The following SNTG1 variants were observed in gnomAD, a reference collection of about 807,000 sequenced individuals.
The protein encoded by SNTG1 is gamma-1-syntrophin.
Under a neutral mutation model 74.7 loss-of-function variants are expected in SNTG1, and 39 were observed. That is an observed-to-expected ratio of 0.52 (90% confidence interval 0.40 to 0.68). The LOEUF (loss-of-function observed/expected upper bound fraction) is 0.68, where lower values mean the gene tolerates loss of function less well. SNTG1 is among the 30% of genes least tolerant of loss of function. The pLI is 0.00. For missense variants in SNTG1, 685 were observed against 609.5 expected (o/e 1.12, Z -1.30); for synonymous variants, 254 against 217.1 (o/e 1.17, Z -1.49).
chr8:50,035,783 G>A (rs1818107388), intron 1 of SNTG1, among the ~76,000 whole-genome samples: 1 of 152,164 alleles, frequency 6.6e-6, no homozygotes, highest in African/African-American at 2.4e-5. Context: ...CTTGAAGAGA[G>A]CATCTGGGAC....
chr8:50,281,127 T>A (rs770295971), intron 2 of SNTG1, among the ~76,000 whole-genome samples: 9 of 152,102 alleles, frequency 5.9e-5, no homozygotes, highest in Non-Finnish European at 1.3e-4. Flanking sequence ...AAGAAATATG[T>A]TTTGGGGTAA....
At chr8:50,555,008 G>A (rs2094447831) in intron 12 of SNTG1, among the ~76,000 whole-genome samples, 1 of 152,106 alleles carries the variant, frequency 6.6e-6, no homozygotes. Flanking sequence ...TATTCAGTTA[G>A]AATGCTGTGC....
At chr8:50,097,913 G>C (rs1196950250) in intron 1 of SNTG1, among the ~76,000 whole-genome samples, 1 of 152,052 alleles carries the variant, frequency 6.6e-6, no homozygotes, top group Non-Finnish European at 1.5e-5. Context: ...TGTTTCAATG[G>C]TTATACTTGG....
chr8:50,064,034 T>C (rs942081915), intron 1 of SNTG1, among the ~76,000 whole-genome samples: 2 of 152,188 alleles, frequency 1.3e-5, no homozygotes, highest in African/African-American at 2.4e-5. Context: ...TTGTCATGAC[T>C]CTGTCTTCTC....
chr8:50,500,409 C>T (rs773613182), intron 8 of SNTG1, among the ~76,000 whole-genome samples: 1 of 151,810 alleles, frequency 6.6e-6, no homozygotes, highest in African/African-American at 2.4e-5. Context: ...TATAACATAA[C>T]TTTTTTGGCT....
chr8:50,156,705 G>A (rs1267824030), intron 1 of SNTG1, among the ~76,000 whole-genome samples: 2 of 152,008 alleles, frequency 1.3e-5, no homozygotes, highest in African/African-American at 4.8e-5. Flanking sequence ...ATGGGCAAGT[G>A]TTCTGATCAA....
chr8:50,070,590 G>A (rs956397917), intron 1 of SNTG1, among the ~76,000 whole-genome samples: 3 of 152,136 alleles, frequency 2.0e-5, no homozygotes, highest in Non-Finnish European at 4.4e-5. Flanking sequence ...TAGGGCTTCT[G>A]TGTTAGAGAT....
At chr8:50,721,426 A>G (rs1009752856) in intron 17 of SNTG1, among the ~76,000 whole-genome samples, 3 of 152,224 alleles carry the variant, frequency 2.0e-5, no homozygotes, top group Admixed American at 6.5e-5. Flanking sequence ...AACTTTTCAC[A>G]TATGGTGGAG....
chr8:50,133,722 GTCTCT>G (rs1362476635), intron 1 of SNTG1, among the ~76,000 whole-genome samples: 1 of 152,116 alleles, frequency 6.6e-6, no homozygotes, highest in Non-Finnish European at 1.5e-5. Context: ...CTCATTGTGT[GTCTCT>G]TCTCTTCTTT....
intron 2 of SNTG1, among the ~76,000 whole-genome samples, chr8:50,242,203 A>C (rs1375726852): frequency 6.6e-6 from 1 of 152,044 alleles, no homozygotes; most frequent in Non-Finnish European, 1.5e-5. Context: ...AATGTCTTCT[A>C]TAAGTCTTTG....
chr8:50,308,992 GAAAGGCTTT>G (rs2090005049), intron 2 of SNTG1, among the ~76,000 whole-genome samples: 2 of 152,004 alleles, frequency 1.3e-5, no homozygotes, highest in African/African-American at 4.8e-5. Context: ...AGATGACTTT[GAAAGGCTTT>G]CCTGATAGAA....
intron 17 of SNTG1, among the ~76,000 whole-genome samples, chr8:50,740,977 T>C (rs757596521): frequency 6.6e-6 from 1 of 151,914 alleles, no homozygotes; most frequent in Non-Finnish European, 1.5e-5. Context: ...CAACATACAC[T>C]GAGGCCTATC....
chr8:50,542,777 T>C (rs1407866543), intron 11 of SNTG1, among the ~76,000 whole-genome samples: 2 of 152,158 alleles, frequency 1.3e-5, no homozygotes, highest in African/African-American at 4.8e-5. Flanking sequence ...CTTTCATATA[T>C]AAGCCATTTT....
At chr8:50,269,199 A>G (rs949009109) in intron 2 of SNTG1, among the ~76,000 whole-genome samples, 4 of 152,360 alleles carry the variant, frequency 2.6e-5, no homozygotes, top group African/African-American at 9.6e-5. Flanking sequence ...TAACATTGAA[A>G]GTATGATTCA....
chr8:50,406,101 T>A (rs937148429), intron 4 of SNTG1, among the ~76,000 whole-genome samples: 3 of 152,126 alleles, frequency 2.0e-5, no homozygotes, highest in African/African-American at 4.8e-5. Flanking sequence ...GCAGTTTTTA[T>A]AAGGATCATG....
intron 4 of SNTG1, among the ~76,000 whole-genome samples, chr8:50,433,126 T>C (rs2093259075): frequency 6.6e-6 from 1 of 152,222 alleles, no homozygotes; most frequent in Non-Finnish European, 1.5e-5. Flanking sequence ...TTATTTTAAA[T>C]GGCATTATGC....
intron 15 of SNTG1, among the ~76,000 whole-genome samples, chr8:50,688,684 G>A (rs2095363797): frequency 1.3e-5 from 2 of 152,160 alleles, no homozygotes; most frequent in African/African-American, 2.4e-5. Flanking sequence ...ATGAAGTCAG[G>A]TAGCGTGATG....
chr8:50,195,311 G>A (rs1038829374), intron 2 of SNTG1, among the ~76,000 whole-genome samples: 6 of 152,002 alleles, frequency 3.9e-5, no homozygotes, highest in Middle Eastern at 3.4e-3. Flanking sequence ...AGAACCCTGA[G>A]TCTGTTTCCA....
At chr8:49,919,257 T>C (rs1169174937) in intron 1 of SNTG1, among the ~76,000 whole-genome samples, 1 of 152,144 alleles carries the variant, frequency 6.6e-6, no homozygotes. Context: ...CAAGGGAATA[T>C]TACATATTGG....
Sources: allele counts gnomAD v4.1 joint callset (sites outside exome capture counted in the v4.1 genomes callset), GRCh38; gene constraint gnomAD v4.1.1; transcripts MANE v1.5; gene names NCBI Gene and HGNC (gene_info 2026-07-23, HGNC 2026-07-21).